ASIC2: variants seen among roughly 807,000 people sequenced by gnomAD.
The protein encoded by ASIC2 is acid-sensing ion channel 2.
In ASIC2, 25 loss-of-function variants were observed where a neutral mutation model predicts 57.3. The ratio of observed to expected loss-of-function variants is 0.44; its 90% CI spans 0.32 to 0.61. The LOEUF (loss-of-function observed/expected upper bound fraction) is 0.61. Among genes scored for constraint, ASIC2 ranks in the 20% least tolerant of loss-of-function variants. The pLI is 0.06. For missense variants in ASIC2, 641 were observed against 738.1 expected (o/e 0.87, Z 1.52); for synonymous variants, 319 against 307.5 (o/e 1.04, Z -0.39).
intron 1 of ASIC2, among the ~76,000 whole-genome samples, chr17:33,553,359 A>G (rs1355861670): frequency 6.8e-6 from 1 of 147,246 alleles, no homozygotes; most frequent in Non-Finnish European, 1.5e-5. Context: ...GAGCTTCCAG[A>G]GACCCCAAGA....
chr17:33,124,437 T>C (rs1264857886), intron 1 of ASIC2, among the ~76,000 whole-genome samples: 4 of 152,238 alleles, frequency 2.6e-5, no homozygotes, highest in Admixed American at 1.3e-4. Flanking sequence ...ACAATGCTCT[T>C]TCCCTCTGGG....
chr17:33,043,084 G>A (rs528209111), intron 3 of ASIC2, among the ~76,000 whole-genome samples: 4 of 151,970 alleles, frequency 2.6e-5, no homozygotes, highest in Non-Finnish European at 5.9e-5. Flanking sequence ...CTGCCACCAC[G>A]CCCGGCTAAT....
At chr17:34,095,659 TTA>T (rs200777326) in intron 1 of ASIC2, among the ~76,000 whole-genome samples, 11 of 93,098 alleles carry the variant, frequency 1.2e-4, no homozygotes, top group East Asian at 7.3e-4. Flanking sequence ...ATATATAATT[TTA>T]TATATATATA....
chr17:34,046,730 G>A (rs570982986), intron 1 of ASIC2, among the ~76,000 whole-genome samples: 1 of 152,312 alleles, frequency 6.6e-6, no homozygotes, highest in African/African-American at 2.4e-5. Flanking sequence ...ACTTAGAAAA[G>A]CAAAAGCTGT....
intron 1 of ASIC2, among the ~76,000 whole-genome samples, chr17:33,690,851 G>A (rs1908343926): frequency 7.2e-6 from 1 of 138,672 alleles, no homozygotes; most frequent in Non-Finnish European, 1.5e-5. Context: ...CCAGATTCAC[G>A]CCATTCTCCT....
chr17:33,979,035 G>A lies in ASIC2; in HGVS notation c.555+176943C>T, dbSNP rs74560513. Reference sequence around the variant, plus strand: ...GTTTACAGACTACATGTAAGGTGTCGGGCAGTCAACCCCCAGCTGGTTCCA... The same window carrying A: ...GTTTACAGACTACATGTAAGGTGTCAGGCAGTCAACCCCCAGCTGGTTCCA... On this transcript the variant is annotated intron_variant, in intron 1 of 9. Coordinates refer to the ASIC2 transcript ENST00000359872. Among the ~76,000 whole-genome samples the A allele has an allele frequency of 8.0e-3, 1,219 of 152,164 alleles. 9 individuals carry two copies. Among genetic ancestry groups the A allele is most frequent in the African/African-American group, 0.027 (1,121 of 41,502 alleles).
intron 1 of ASIC2, among the ~76,000 whole-genome samples, chr17:33,784,804 G>T (rs73986707): frequency 1.3e-5 from 2 of 152,304 alleles, no homozygotes; most frequent in African/African-American, 4.8e-5. Context: ...TCTAGAGACT[G>T]CCCCAGAAAG....
At chr17:33,401,116 C>T (rs1910270798) in intron 1 of ASIC2, among the ~76,000 whole-genome samples, 2 of 152,162 alleles carry the variant, frequency 1.3e-5, no homozygotes, top group Admixed American at 6.5e-5. Context: ...GAATCACATG[C>T]CAGCCTTGAA....
intron 1 of ASIC2, among the ~76,000 whole-genome samples, chr17:33,160,172 G>A (rs894288570): frequency 5.3e-5 from 8 of 151,216 alleles, no homozygotes; most frequent in East Asian, 1.9e-4. Flanking sequence ...TCGCACCACT[G>A]CTCTCCAGCC....
intron 1 of ASIC2, among the ~76,000 whole-genome samples, chr17:33,199,217 C>T (rs1361050260): frequency 6.6e-6 from 1 of 152,116 alleles, no homozygotes; most frequent in African/African-American, 2.4e-5. Context: ...ATGGCTCATT[C>T]TAAATGCTTC....
intron 3 of ASIC2, among the ~76,000 whole-genome samples, chr17:33,061,496 A>G (rs1365218925): frequency 6.6e-6 from 1 of 152,224 alleles, no homozygotes; most frequent in Non-Finnish European, 1.5e-5. Flanking sequence ...CCAGCCTTGC[A>G]TCCCAGGGAT....
intron 1 of ASIC2, among the ~76,000 whole-genome samples, chr17:33,322,706 G>A (rs1906917524): frequency 6.6e-6 from 1 of 152,074 alleles, no homozygotes; most frequent in Non-Finnish European, 1.5e-5. Context: ...GGGGAGATGG[G>A]TGCCAACAAA....
intron 1 of ASIC2, among the ~76,000 whole-genome samples, chr17:33,760,191 G>A (rs1195819138): frequency 3.3e-5 from 5 of 151,576 alleles, no homozygotes; most frequent in African/African-American, 4.9e-5. Context: ...ATTTGACATA[G>A]CATTAAATAA....
At chr17:33,081,491 A>G (rs1370321117) in intron 3 of ASIC2, among the ~76,000 whole-genome samples, 1 of 152,034 alleles carries the variant, frequency 6.6e-6, no homozygotes, top group Non-Finnish European at 1.5e-5. Context: ...ATGCTTCCAT[A>G]TTTATGCGGC....
intron 3 of ASIC2, among the ~76,000 whole-genome samples, chr17:33,074,885 T>C (rs959117544): frequency 6.6e-6 from 1 of 152,216 alleles, no homozygotes; most frequent in African/African-American, 2.4e-5. Flanking sequence ...GTTATGATGG[T>C]GAGCGTGGTG....
intron 1 of ASIC2, among the ~76,000 whole-genome samples, chr17:34,040,131 CCCGGGCGGCCACGGGA>C (rs1908063807): frequency 1.9e-5 from 2 of 104,214 alleles, no homozygotes; most frequent in South Asian, 2.6e-4. Flanking sequence ...CGGCCCCGGG[CCCGGGCGGCCACGGGA>C]CCGGCCTCCT....
At chr17:33,956,920 C>G (rs186611150) in intron 1 of ASIC2, among the ~76,000 whole-genome samples, 1 of 152,234 alleles carries the variant, frequency 6.6e-6, no homozygotes, top group African/African-American at 2.4e-5. Flanking sequence ...CTGCAAGTAG[C>G]GAGGCTTCTG....
At chr17:33,130,992 G>A (rs767829060) in intron 1 of ASIC2, among the ~76,000 whole-genome samples, 20 of 152,208 alleles carry the variant, frequency 1.3e-4, no homozygotes, top group Admixed American at 3.9e-4. Context: ...AACTCTATGA[G>A]CCTCAGTGTT....
At chr17:34,037,919 C>T (rs1192642571) in intron 1 of ASIC2, 1 of 1,613,700 alleles carries the variant, frequency 6.2e-7, no homozygotes, top group African/African-American at 1.3e-5. Context: ...TCCATAAAGA[C>T]ACTGATAGAA....
Sources: allele counts gnomAD v4.1 joint callset (sites outside exome capture counted in the v4.1 genomes callset), GRCh38; gene constraint gnomAD v4.1.1; transcripts MANE v1.5; gene names NCBI Gene and HGNC (gene_info 2026-07-23, HGNC 2026-07-21).